The following ZBTB11 variants were observed in gnomAD, a reference collection of about 807,000 sequenced individuals.
The protein encoded by ZBTB11 is zinc finger and BTB domain-containing protein 11.
A neutral mutation model predicts 113.1 loss-of-function variants in ZBTB11; 68 were observed. The ratio of observed to expected loss-of-function variants is 0.60; its 90% CI spans 0.49 to 0.74. The LOEUF (loss-of-function observed/expected upper bound fraction) is 0.74. Among genes scored for constraint, ZBTB11 ranks in the 30% least tolerant of loss-of-function variants. The pLI, the probability that ZBTB11 is intolerant of heterozygous loss-of-function variation, is 0.00. For missense variants in ZBTB11, 1,104 were observed against 1,279.4 expected (o/e 0.86, Z 2.09); for synonymous variants, 518 against 452.6 (o/e 1.14, Z -1.83).
chr3:101,670,716 A>T (rs1349004205), intron 3 of ZBTB11: 2 of 164,540 alleles, frequency 1.2e-5, no homozygotes, highest in East Asian at 3.4e-4. Context: ...CACAGCCTGG[A>T]ACTCCTGACC....
At chr3:101,672,324 G>C in intron 1 of ZBTB11, 111 bp from the exon 2 acceptor site, 2 of 688,672 alleles carry the variant, frequency 2.9e-6, no homozygotes, top group Non-Finnish European at 2.4e-6. Flanking sequence ...AGACATTCAT[G>C]TCCCATAAAA....
intron 5 of ZBTB11, among the ~76,000 whole-genome samples, chr3:101,663,366 C>T (rs1360962429): frequency 1.3e-5 from 2 of 152,162 alleles, no homozygotes; most frequent in Non-Finnish European, 2.9e-5. Flanking sequence ...GCCACTGCGC[C>T]CAGCCAAAGT....
At chr3:101,658,369 GTGTGTGCCACCATGCCTGGCTAATTTTT>G (rs1936833104) in intron 6 of ZBTB11, among the ~76,000 whole-genome samples, 1 of 151,982 alleles carries the variant, frequency 6.6e-6, no homozygotes, top group Admixed American at 6.6e-5. Context: ...GGGATTACAG[GTGTGTGCCACCATGCCTGGCTAATTTTT>G]TGTATTTTTA....
rs780199732 is a variant in ZBTB11, at chr3:101,664,967, T to C, written c.1620A>G (p.Gln540=). 3 of 1,609,264 alleles carry C rather than the reference T, an allele frequency of 1.9e-6. No individual in the cohort carries two copies. Among genetic ancestry groups the C allele is most frequent in the African/African-American group, 1.3e-5 (1 of 74,690 alleles). The change falls in exon 4 of 11, where the codon CAA becomes CAG. Residue 540 remains glutamine, a synonymous_variant. Coordinates refer to ENST00000312938, the MANE Select transcript of ZBTB11 (RefSeq NM_014415.4). Reference sequence around the variant, plus strand: ...GTCAACCCTTCTTACATCATACCTGTTGAACTGCTGACTTGGGAACGGCTT... The same window carrying C: ...GTCAACCCTTCTTACATCATACCTGCTGAACTGCTGACTTGGGAACGGCTT... ...KRKAVPKSAV[Q]QVAQKLVQRG... is the part of the protein sequence containing the mutation.
intron 5 of ZBTB11, among the ~76,000 whole-genome samples, chr3:101,662,546 G>A (rs116112898): frequency 0.049 from 7,432 of 152,086 alleles, 644 homozygotes; most frequent in African/African-American, 0.17. Context: ...GCTTCAACCC[G>A]GGAAGCAGAG....
chr3:101,653,773 G>C (rs1936746039), intron 8 of ZBTB11, among the ~76,000 whole-genome samples: 1 of 152,108 alleles, frequency 6.6e-6, no homozygotes, highest in South Asian at 2.1e-4. Flanking sequence ...CTAATGAAAA[G>C]CTTATAGTGA....
intron 6 of ZBTB11, among the ~76,000 whole-genome samples, chr3:101,657,004 G>A (rs1936809750): frequency 6.6e-6 from 1 of 151,546 alleles, no homozygotes; most frequent in South Asian, 2.1e-4. Flanking sequence ...AGCCAGGTGT[G>A]GTGACAGGCA....
At chr3:101,657,303 C>T (rs955706239) in intron 6 of ZBTB11, among the ~76,000 whole-genome samples, 6 of 151,818 alleles carry the variant, frequency 4.0e-5, no homozygotes, top group East Asian at 1.9e-4. Flanking sequence ...CTCAGGAGTT[C>T]GAGACTGGCC....
Position 101,650,885 on chromosome 3 carries a change from T to G in ZBTB11, c.*281A>C. 4.3e-6 allele frequency: 1 copy of G among 235,002 alleles called. No individual in the cohort carries two copies. 14.6% of individuals were successfully genotyped at this position (235,002 alleles called of 1,614,324 possible). On this transcript the variant is annotated 3_prime_UTR_variant, in exon 11 of 11. Transcript: ENST00000312938. ...CAGTACAGTCATTTATAAACATTAATTCATAAAAGGTATATCATGATAAAC... is the reference window on the plus strand; with the variant it reads ...CAGTACAGTCATTTATAAACATTAAGTCATAAAAGGTATATCATGATAAAC...
At chr3:101,662,009 G>A (rs1378230105) in intron 5 of ZBTB11, 1 of 150,160 alleles carries the variant, frequency 6.7e-6, no homozygotes, top group Non-Finnish European at 1.5e-5. Context: ...AAATACTCTA[G>A]TTATTTTAAT....
intron 1 of ZBTB11, 72 bp downstream of exon 1, chr3:101,676,533 T>C (rs986436655): frequency 7.1e-6 from 10 of 1,400,688 alleles, no homozygotes; most frequent in African/African-American, 6.0e-5. Context: ...TGGGTACGCA[T>C]AGGCCTCGCC....
chr3:101,676,001 TA>T (rs997852903), intron 1 of ZBTB11, among the ~76,000 whole-genome samples: 16 of 150,992 alleles, frequency 1.1e-4, no homozygotes, highest in African/African-American at 2.9e-4. Context: ...TTCTTGTTCT[TA>T]AAAAAAAACG....
In ZBTB11 at chr3:101,659,998, A is replaced by G. The variant is rs1329239467; in HGVS notation, c.1831T>C (p.Ser611Pro). 1 of 1,614,200 alleles carries G rather than the reference A, an allele frequency of 6.2e-7. No individual in the cohort carries two copies. The highest frequency in any genetic ancestry group is 1.7e-5 in the Admixed American group (1 of 60,032). The change falls in exon 6 of 11, where the codon TCT becomes CCT. Residue 611 changes from serine to proline, a missense_variant. By Grantham distance (74) the Ser-to-Pro change is moderately conservative. This residue lies in a region of ZBTB11 where 535 missense variants were observed against 518.6 expected (regional missense o/e 1.03). Transcript: ENST00000312938. The stretch of plus-strand genomic sequence containing the variant: ...TGACGAATAAGATGTGCTCGCAAAG[A>G]GGCACTGTACTGAAACTGTTTTTTA... Reference protein sequence around the residue: ...LCKKQFQYSASLRAHLIRHTR... With the variant: ...LCKKQFQYSAPLRAHLIRHTR...
chr3:101,665,719 T>C lies in ZBTB11; in HGVS notation c.868A>G (p.Ile290Val), dbSNP rs1365317937. Residue 290 changes from isoleucine (I) to valine (V), a missense_variant, in exon 4 of 11, where the codon ATC (isoleucine) becomes GTC (valine). Ile to Val is a conservative substitution (Grantham distance 29). This residue lies in a region of ZBTB11 where 86 missense variants were observed against 131.0 expected (regional missense o/e 0.66). Coordinates refer to ENST00000312938, the MANE Select transcript of ZBTB11 (RefSeq NM_014415.4). ...FDFCSMADVA[I>V]LARHLFMSEV... ...GACATGAAAAGATGACGAGCTAAGATGGCTACATCAGCCATGCTACAGAAA... is the reference window on the plus strand; with the variant it reads ...GACATGAAAAGATGACGAGCTAAGACGGCTACATCAGCCATGCTACAGAAA... The C allele has an allele frequency of 1.2e-6, 2 of 1,614,056 alleles. No homozygotes were observed. The highest frequency in any genetic ancestry group is 2.7e-5 in the African/African-American group (2 of 74,922).
Position 101,651,378 on chromosome 3 carries a change from CA to C in ZBTB11, c.2949del (p.Glu984ArgfsTer4), listed in dbSNP as rs1936699234. 1 of 1,613,888 alleles carries C rather than the reference CA, an allele frequency of 6.2e-7. No individual in the cohort carries two copies. On this transcript the variant is annotated frameshift_variant, in exon 11 of 11. Transcript: ENST00000312938. LOFTEE classifies it high-confidence loss of function. ...GTTTCTCCTGTCACTACCACAGTCTCAAGTTCTTGAGGACCACTGCTTTCTT... is the reference window on the plus strand; with the variant it reads ...GTTTCTCCTGTCACTACCACAGTCTCAGTTCTTGAGGACCACTGCTTTCTT... Reference protein sequence around the residue: ...QEQESSGPQELETVVVTGETM... With the variant: ...QEQESSGPQEXETVVVTGETM...
At chr3:101,654,414 A>G (rs1468338412) in intron 8 of ZBTB11, among the ~76,000 whole-genome samples, 1 of 152,112 alleles carries the variant, frequency 6.6e-6, no homozygotes, top group Non-Finnish European at 1.5e-5. Context: ...CTGGAAAATG[A>G]AGAAGAGGGG....
Position 101,676,836 on chromosome 3 carries a change from C to T in ZBTB11, c.79G>A (p.Gly27Ser), listed in dbSNP as rs772236063. Residue 27 changes from glycine (G) to serine (S), a missense_variant, in exon 1 of 11, where the codon GGC (glycine) becomes AGC (serine). Gly to Ser is a moderately conservative substitution (Grantham distance 56, BLOSUM62 0). Transcript: ENST00000312938. Reference sequence around the variant, plus strand: ...TTTCGGATTTTACGCTTGACATTGCCCTCGGTGCCCGGCGCATACGGCTCG... The same window carrying T: ...TTTCGGATTTTACGCTTGACATTGCTCTCGGTGCCCGGCGCATACGGCTCG... The part of the protein sequence containing the change: ...EREPYAPGTE[G>S]NVKRKIRKAA... 2 of 1,612,076 alleles carry T rather than the reference C, an allele frequency of 1.2e-6. No homozygotes were observed. The highest frequency in any genetic ancestry group is 2.2e-5 in the East Asian group (1 of 44,742).
rs1216212904 is a variant in ZBTB11, at chr3:101,676,931, C to T, written c.-17G>A. The T allele has an allele frequency of 1.4e-5, 21 of 1,546,336 alleles. No individual in the cohort carries two copies. The highest frequency in any genetic ancestry group is 1.9e-5 in the Admixed American group (1 of 52,860). ...GCTTGACATCGCGGACCGCGGCTCC[C>T]TGAGGGCGCCTGTCAGGGACAGGTG... is the stretch of plus-strand genomic sequence containing the variant. On this transcript the variant is annotated 5_prime_UTR_variant, in exon 1 of 11. Transcript: ENST00000312938.
At chr3:101,656,995 G>A (rs2108317373) in intron 6 of ZBTB11, among the ~76,000 whole-genome samples, 1 of 151,542 alleles carries the variant, frequency 6.6e-6, no homozygotes, top group East Asian at 1.9e-4. Flanking sequence ...ACAAAAATTA[G>A]CCAGGTGTGG....
Sources: gnomAD v4.1 joint callset for allele counts (sites outside exome capture counted in the v4.1 genomes callset) on GRCh38, gnomAD v4.1.1 for gene constraint, gnomAD v4.1.1 regional missense constraint, MANE v1.5 for transcripts, NCBI Gene and HGNC (gene_info 2026-07-23, HGNC 2026-07-21) for gene names.